Variants in MEGF10 observed in about 807,000 individuals in gnomAD.
The protein encoded by MEGF10 is multiple EGF like domains 10.
MEGF10 carries 86 observed loss-of-function variants against 147.5 expected under a neutral mutation model. That is an observed-to-expected ratio of 0.58 (90% CI 0.49 to 0.70). The LOEUF is 0.70. Among genes scored for constraint, MEGF10 ranks in the 30% least tolerant of loss-of-function variants. The pLI is 0.00. For missense variants in MEGF10, 1,329 were observed against 1,487.3 expected (o/e 0.89, Z 1.75); for synonymous variants, 478 against 525.5 (o/e 0.91, Z 1.24).
intron 1 of MEGF10, among the ~76,000 whole-genome samples, chr5:127,318,666 T>TA (rs950154465): frequency 6.6e-6 from 1 of 151,488 alleles, no homozygotes; most frequent in East Asian, 1.9e-4. Context: ...GACTTAAACA[T>TA]AAAAAAAATA....
At chr5:127,257,680 G>C in the MEGF10 span, among the ~76,000 whole-genome samples, 1 of 152,258 alleles carries the variant, frequency 6.6e-6, no homozygotes, top group African/African-American at 2.4e-5. Context: ...ATAGTCTCAG[G>C]AAGTCCTGAG....
the MEGF10 span, among the ~76,000 whole-genome samples, chr5:127,263,448 T>C: frequency 6.6e-6 from 1 of 152,150 alleles, no homozygotes; most frequent in Non-Finnish European, 1.5e-5. Context: ...TATTTTATAA[T>C]GAACCATAGC....
chr5:127,427,273 T>G (rs1765233305), intron 13 of MEGF10, among the ~76,000 whole-genome samples: 1 of 152,038 alleles, frequency 6.6e-6, no homozygotes, highest in Non-Finnish European at 1.5e-5. Context: ...GGGTCTGGGG[T>G]GCATTTCTTT....
intron 8 of MEGF10, among the ~76,000 whole-genome samples, chr5:127,407,663 G>T (rs542841281): frequency 5.9e-4 from 90 of 151,982 alleles, no homozygotes; most frequent in Non-Finnish European, 8.1e-4. Context: ...ACTGATTTTT[G>T]AGAGCTTCTG....
the MEGF10 span, among the ~76,000 whole-genome samples, chr5:127,263,318 T>A: frequency 0.055 from 7,611 of 139,346 alleles, 338 homozygotes; most frequent in African/African-American, 0.13. Flanking sequence ...GGGGGGGGGG[T>A]AAAATTATAG....
At chr5:127,238,633 G>A in the MEGF10 span, among the ~76,000 whole-genome samples, 1 of 152,186 alleles carries the variant, frequency 6.6e-6, no homozygotes, top group Non-Finnish European at 1.5e-5. Context: ...GGCTCCTGAG[G>A]TGATGTGCTT....
At chr5:127,235,157 T>C in the MEGF10 span, among the ~76,000 whole-genome samples, 2 of 152,220 alleles carry the variant, frequency 1.3e-5, no homozygotes, top group African/African-American at 4.8e-5. Flanking sequence ...CCAACTTGCA[T>C]ATCTTTATGA....
chr5:127,258,904 C>G, the MEGF10 span, among the ~76,000 whole-genome samples: 1 of 152,130 alleles, frequency 6.6e-6, no homozygotes, highest in African/African-American at 2.4e-5. Context: ...ATGGTATTCT[C>G]TTATAGTAAC....
At chr5:127,337,792 C>G (rs1373908023) in intron 2 of MEGF10, among the ~76,000 whole-genome samples, 2 of 152,030 alleles carry the variant, frequency 1.3e-5, no homozygotes, top group Non-Finnish European at 1.5e-5. Flanking sequence ...CATGAGGACC[C>G]AGGGAAGTGA....
upstream of MEGF10, among the ~76,000 whole-genome samples, chr5:127,289,068 G>A (rs955159189): frequency 3.9e-5 from 6 of 152,178 alleles, no homozygotes; most frequent in Admixed American, 6.5e-5. Context: ...CAAATATGAG[G>A]TGGGATAGAA....
At chr5:127,230,218 C>T in the MEGF10 span, among the ~76,000 whole-genome samples, 1 of 152,058 alleles carries the variant, frequency 6.6e-6, no homozygotes, top group Non-Finnish European at 1.5e-5. Flanking sequence ...ATCCCATTTT[C>T]TTCTCAGGAC....
intron 4 of MEGF10, among the ~76,000 whole-genome samples, chr5:127,354,838 AT>A (rs1762220766): frequency 6.6e-6 from 1 of 152,060 alleles, no homozygotes. Flanking sequence ...TGTGTTGGGG[AT>A]GGGAAAGGAT....
At chr5:127,406,445 T>C (rs532919609) in intron 8 of MEGF10, among the ~76,000 whole-genome samples, 18 of 152,310 alleles carry the variant, frequency 1.2e-4, no homozygotes, top group Admixed American at 9.1e-4. Flanking sequence ...ACAAACACAT[T>C]TGTCACTATG....
intron 1 of MEGF10, among the ~76,000 whole-genome samples, chr5:127,292,482 A>C (rs748453953): frequency 2.6e-5 from 4 of 152,238 alleles, no homozygotes; most frequent in Admixed American, 6.5e-5. Context: ...ATTAGCTGTC[A>C]GTAAGTGTTA....
At chr5:127,345,017 G>T (rs1337225266) in intron 4 of MEGF10, among the ~76,000 whole-genome samples, 1 of 152,174 alleles carries the variant, frequency 6.6e-6, no homozygotes, top group African/African-American at 2.4e-5. Context: ...AGATCCTGAA[G>T]ATTTTAAGTT....
intron 5 of MEGF10, among the ~76,000 whole-genome samples, chr5:127,370,826 G>A (rs1380832600): frequency 3.9e-5 from 6 of 152,070 alleles, no homozygotes; most frequent in African/African-American, 7.2e-5. Flanking sequence ...CTTGAGAAAC[G>A]TGAGAAGGAA....
chr5:127,260,103 G>A, the MEGF10 span, among the ~76,000 whole-genome samples: 2 of 152,122 alleles, frequency 1.3e-5, 1 homozygote, highest in South Asian at 4.1e-4. Flanking sequence ...GTTGCAGTGA[G>A]CTGAGATCAC....
intron 21 of MEGF10, among the ~76,000 whole-genome samples, chr5:127,448,565 T>G (rs542740404): frequency 6.6e-6 from 1 of 152,366 alleles, no homozygotes; most frequent in East Asian, 1.9e-4. Context: ...CCAGTTGTAA[T>G]TTAATTAATG....
the MEGF10 span, among the ~76,000 whole-genome samples, chr5:127,281,463 T>C: frequency 6.6e-6 from 1 of 152,216 alleles, no homozygotes; most frequent in Non-Finnish European, 1.5e-5. Flanking sequence ...AAGTTAAGTT[T>C]ATATCTCGAG....
Sources: gnomAD v4.1 joint callset for allele counts (sites outside exome capture counted in the v4.1 genomes callset) on GRCh38, gnomAD v4.1.1 for gene constraint, MANE v1.5 for transcripts, NCBI Gene and HGNC (gene_info 2026-07-23, HGNC 2026-07-21) for gene names.